Variants in PDE6D observed in about 807,000 individuals in gnomAD.
The protein encoded by PDE6D is phosphodiesterase 6D.
In PDE6D, 10 loss-of-function variants were observed where a neutral mutation model predicts 21.9. The ratio of observed to expected loss-of-function variants is 0.46; its 90% CI spans 0.28 to 0.78. PDE6D has a LOEUF of 0.78. Ranked by LOEUF, PDE6D falls within the 30% of genes least tolerant of loss-of-function variation. The pLI, the probability that PDE6D is intolerant of heterozygous loss-of-function variation, is 0.12. For synonymous variants in PDE6D, 59 were observed against 63.5 expected (o/e 0.93, Z 0.34); for missense variants, 139 against 184.8 (o/e 0.75, Z 1.44).
At chr2:231,743,525 A>G (rs939045471) in intron 1 of PDE6D, among the ~76,000 whole-genome samples, 7 of 151,286 alleles carry the variant, frequency 4.6e-5, no homozygotes, top group Admixed American at 4.0e-4. Context: ...CTTTCTGTGC[A>G]CTCAACCTGC....
In PDE6D at chr2:231,739,637, G is replaced by T. The variant is rs925852091; in HGVS notation, c.51-449C>A. On this transcript the variant is annotated intron_variant, in intron 1 of 4. Coordinates refer to ENST00000287600, the MANE Select transcript of PDE6D (RefSeq NM_002601.4). The surrounding 1 kb of genome is among the most constrained non-coding windows in gnomAD (Gnocchi z 4.2). Reference sequence around the variant, plus strand: ...AAATTGCTTTGTAGTGGCCCCCTCTGTTTTTTTTTTTTGAAACAGAGTCTC... The same window carrying T: ...AAATTGCTTTGTAGTGGCCCCCTCTTTTTTTTTTTTTTGAAACAGAGTCTC... Among the ~76,000 whole-genome samples the T allele has an allele frequency of 6.9e-6, 1 of 145,792 alleles. No individual in the cohort carries two copies. The highest frequency in any genetic ancestry group is 2.5e-5 in the African/African-American group (1 of 39,986).
chr2:231,764,956 T>C (rs1326205630), intron 1 of PDE6D, among the ~76,000 whole-genome samples: 1 of 152,112 alleles, frequency 6.6e-6, no homozygotes, highest in African/African-American at 2.4e-5. Context: ...CAGGGTCCAG[T>C]GGACTGTAAA....
intron 1 of PDE6D, among the ~76,000 whole-genome samples, chr2:231,746,883 A>G (rs2048798004): frequency 6.7e-6 from 1 of 148,190 alleles, no homozygotes; most frequent in African/African-American, 2.5e-5. Flanking sequence ...AGGCAACAAA[A>G]AGGAAGAGTC....
chr2:231,752,508 C>T (rs2048848091), intron 1 of PDE6D, among the ~76,000 whole-genome samples: 1 of 152,186 alleles, frequency 6.6e-6, no homozygotes, highest in Non-Finnish European at 1.5e-5. Context: ...ATGGAAGTGA[C>T]TTTTTATGAA....
intron 1 of PDE6D, among the ~76,000 whole-genome samples, chr2:231,740,878 C>A (rs1416991325): frequency 6.6e-6 from 1 of 151,508 alleles, no homozygotes; most frequent in Non-Finnish European, 1.5e-5. Context: ...CGATGGCTCA[C>A]CTGTAATCCC....
intron 3 of PDE6D, chr2:231,737,758 A>G (rs1351817214): frequency 2.3e-6 from 1 of 435,798 alleles, no homozygotes; most frequent in African/African-American, 2.0e-5. Context: ...TCATATCACA[A>G]TACAACGTCA....
intron 1 of PDE6D, among the ~76,000 whole-genome samples, chr2:231,749,009 AAATGTGGGG>A (rs2048816547): frequency 6.6e-6 from 1 of 152,202 alleles, no homozygotes; most frequent in Non-Finnish European, 1.5e-5. Flanking sequence ...TAAGTAAGGG[AAATGTGGGG>A]TTGGAGCCCC....
chr2:231,734,672 T>C (rs2048681395), intron 4 of PDE6D, among the ~76,000 whole-genome samples: 1 of 146,922 alleles, frequency 6.8e-6, no homozygotes, highest in Non-Finnish European at 1.5e-5. Flanking sequence ...AAACCCCGTC[T>C]GTACTAAAAA....
At chr2:231,763,807 T>A (rs912717616) in intron 1 of PDE6D, among the ~76,000 whole-genome samples, 2 of 151,758 alleles carry the variant, frequency 1.3e-5, no homozygotes, top group Admixed American at 1.3e-4. Context: ...GGATAATTTT[T>A]AATTTTTGTT....
intron 4 of PDE6D, among the ~76,000 whole-genome samples, 160 bp from the exon 5 acceptor site, chr2:231,733,193 C>T (rs1384135225): frequency 6.6e-6 from 1 of 152,116 alleles, no homozygotes; most frequent in Non-Finnish European, 1.5e-5. Flanking sequence ...CTATATGGGG[C>T]TACAAGTCTA....
chr2:231,734,789 G>A (rs1424311466), intron 4 of PDE6D, among the ~76,000 whole-genome samples: 2 of 149,186 alleles, frequency 1.3e-5, no homozygotes, highest in Non-Finnish European at 3.0e-5. Context: ...GGAGGTTGCA[G>A]TGAGCTGGGA....
chr2:231,780,700 T>C (rs62198570), intron 1 of PDE6D, among the ~76,000 whole-genome samples: 27,866 of 151,972 alleles, frequency 0.18, 2,865 homozygotes, highest in Non-Finnish European at 0.23. Flanking sequence ...CCCTCAGCCC[T>C]TCTCCGCGGG....
Position 231,732,918 on chromosome 2 carries a change from A to G in PDE6D, c.*34T>C. 1.4e-6 allele frequency: 2 copies of G among 1,458,694 alleles called. No homozygotes were observed. Among genetic ancestry groups the G allele is most frequent in the Non-Finnish European group, 1.9e-6 (2 of 1,046,408 alleles). The allele number at this position is 1,458,694 out of a possible 1,614,324, so 90.4% of individuals were successfully genotyped here. A position where few individuals can be genotyped will look rare whatever the true frequency, so the allele number is the denominator to read the frequency against. ...AACAGTTTCCTCCTCCCTCCAAAAA[A>G]CCCAAATTCTTGAAATGTACACACA... On this transcript the variant is annotated 3_prime_UTR_variant, in exon 5 of 5. Coordinates refer to ENST00000287600, the MANE Select transcript of PDE6D (RefSeq NM_002601.4).
In PDE6D at chr2:231,732,807, G is replaced by C. The variant is rs534856878; in HGVS notation, c.*145C>G. On this transcript the variant is annotated 3_prime_UTR_variant, in exon 5 of 5. Transcript: ENST00000287600. ...CCATCTGGTTACCTACACAGAGCTG[G>C]TCCCCTGGTGGCTGCAGGTAGGTTC... is the stretch of plus-strand genomic sequence containing the variant. 1.6e-4 allele frequency: 102 copies of C among 649,830 alleles called. No homozygotes were observed. The highest frequency in any genetic ancestry group is 2.6e-4 in the Non-Finnish European group (94 of 360,984). 40.3% of individuals were successfully genotyped at this position (649,830 alleles called of 1,614,324 possible). A position where few individuals can be genotyped will look rare whatever the true frequency, so the allele number is the denominator to read the frequency against.
At chr2:231,780,632 C>T (rs766145582) in intron 1 of PDE6D, among the ~76,000 whole-genome samples, 18 of 152,156 alleles carry the variant, frequency 1.2e-4, no homozygotes, top group Admixed American at 4.6e-4. Context: ...GTTCCCCGCT[C>T]CCCGGGTAGG....
At position 231,737,228 on chromosome 2, in the gene PDE6D, C is replaced by T; in HGVS notation, c.330G>A (p.Glu110=). 1 of 1,612,946 alleles carries T rather than the reference C, an allele frequency of 6.2e-7. No individual in the cohort carries two copies. Among genetic ancestry groups the T allele is most frequent in the Non-Finnish European group, 8.5e-7 (1 of 1,178,948 alleles). The stretch of plus-strand genomic sequence containing the variant: ...GCATCATCTGGGACTCGGGTGCTGC[C>T]TCTATCAAGGACTGCCAGGTATTTG... ...NSTNTWQSLI[E]AAPESQMMPA... The change falls in exon 4 of 5, where the codon GAG becomes GAA. Residue 110 remains glutamate, a synonymous_variant. Coordinates refer to ENST00000287600, the MANE Select transcript of PDE6D (RefSeq NM_002601.4).
intron 1 of PDE6D, among the ~76,000 whole-genome samples, chr2:231,773,019 C>G (rs1430778819): frequency 6.6e-6 from 1 of 152,186 alleles, no homozygotes; most frequent in Non-Finnish European, 1.5e-5. Flanking sequence ...GGGCAAATCA[C>G]TTGAGCCCAG....
chr2:231,770,075 C>A (rs2049002785), intron 1 of PDE6D, among the ~76,000 whole-genome samples: 1 of 151,980 alleles, frequency 6.6e-6, no homozygotes, highest in Admixed American at 6.6e-5. Context: ...CCTTTTTTTC[C>A]CTATTAACGA....
At chr2:231,741,585 G>A (rs919038220) in intron 1 of PDE6D, among the ~76,000 whole-genome samples, 3 of 152,114 alleles carry the variant, frequency 2.0e-5, no homozygotes, top group African/African-American at 7.2e-5. Context: ...CTCAGGAAGA[G>A]ATTTTCTTTT....
Sources: gnomAD v4.1 joint callset for allele counts (sites outside exome capture counted in the v4.1 genomes callset) on GRCh38, gnomAD v4.1.1 for gene constraint, Gnocchi (gnomAD v3.1) non-coding constraint, MANE v1.5 for transcripts, NCBI Gene and HGNC (gene_info 2026-07-23, HGNC 2026-07-21) for gene names.